SVOP: variants seen among roughly 807,000 people sequenced by gnomAD.
SVOP encodes the protein synaptic vesicle 2-related protein.
A neutral mutation model predicts 69.1 loss-of-function variants in SVOP; 17 were observed. The observed-to-expected ratio is 0.25, with a 90% CI of 0.17 to 0.37. The LOEUF is 0.37. Among genes scored for constraint, SVOP ranks in the 10% least tolerant of loss-of-function variants. The pLI is 1.00. For synonymous variants in SVOP, 238 were observed against 238.6 expected, an observed-to-expected ratio of 1.00 and a Z score of 0.02; for missense variants, 435 against 597.5, an observed-to-expected ratio of 0.73 and a Z score of 2.84.
At chr12:108,966,525 C>T (rs534600365) in intron 5 of SVOP, among the ~76,000 whole-genome samples, 5 of 152,032 alleles carry the variant, frequency 3.3e-5, no homozygotes, top group Non-Finnish European at 1.5e-5. Flanking sequence ...TCGGTGGTTG[C>T]CAAGGCTTGC....
chr12:108,991,437 TTTTGCTTG>T (rs1203907963), intron 1 of SVOP, among the ~76,000 whole-genome samples: 8 of 150,702 alleles, frequency 5.3e-5, no homozygotes, highest in South Asian at 2.1e-4. Context: ...CCATCTCGGG[TTTTGCTTG>T]TTTGTTTGTT....
chr12:109,011,910 T>A (rs115949893), intron 1 of SVOP, among the ~76,000 whole-genome samples: 1 of 152,054 alleles, frequency 6.6e-6, no homozygotes, highest in Non-Finnish European at 1.5e-5. Flanking sequence ...GTCAAACTCA[T>A]AGAAGCAGAG....
intron 4 of SVOP, among the ~76,000 whole-genome samples, chr12:108,973,227 T>G (rs570684877): frequency 6.6e-6 from 1 of 152,222 alleles, no homozygotes; most frequent in East Asian, 1.9e-4. Context: ...ATTCTCCCCA[T>G]TTCACAGATA....
chr12:108,996,027 T>A (rs1436411446), intron 1 of SVOP, among the ~76,000 whole-genome samples: 2 of 151,974 alleles, frequency 1.3e-5, no homozygotes, highest in Non-Finnish European at 2.9e-5. Context: ...CACACGCTGA[T>A]CTGTAAGGGT....
intron 11 of SVOP, among the ~76,000 whole-genome samples, chr12:108,931,439 C>T (rs965744954): frequency 6.6e-6 from 1 of 152,204 alleles, no homozygotes; most frequent in Non-Finnish European, 1.5e-5. Context: ...GTTCCCACCT[C>T]CAGCTGCACA....
At chr12:108,922,955 C>T (rs577594431) in intron 11 of SVOP, among the ~76,000 whole-genome samples, 158 bp from the exon 12 acceptor site, 15 of 152,314 alleles carry the variant, frequency 9.8e-5, no homozygotes, top group African/African-American at 2.2e-4. Context: ...AACACCAAGC[C>T]GCAGTGCTCC....
At chr12:108,915,350 A>G (rs994626066) in intron 15 of SVOP, among the ~76,000 whole-genome samples, 5 of 152,024 alleles carry the variant, frequency 3.3e-5, no homozygotes, top group African/African-American at 4.8e-5. Flanking sequence ...CTTCCTTCCC[A>G]GTCGAGTGGT....
At position 108,911,348 on chromosome 12, in the gene SVOP, ACAAAACCCAAAGCCC is replaced by A. The variant is rs2039680728; in HGVS notation, c.*1172_*1186del. ...TGCCCATTCAGCTGTCTACCCATGC[ACAAAACCCAAAGCCC>A]TGGATTTTGGATTTTGTACCTGCAA... On this transcript the variant is annotated 3_prime_UTR_variant, in exon 16 of 16. Transcript: ENST00000610966. 4.6e-5 allele frequency: 7 copies of A among 152,138 alleles called. No individual in the cohort carries two copies. The highest frequency in any genetic ancestry group is 7.2e-5 in the African/African-American group (3 of 41,404). The allele number at this position is 152,138 out of a possible 1,614,324, so 9.4% of individuals were successfully genotyped here. A position where few individuals can be genotyped will look rare whatever the true frequency, so the allele number is the denominator to read the frequency against.
At chr12:108,987,935 AT>A (rs946175339) in intron 1 of SVOP, among the ~76,000 whole-genome samples, 7 of 128,362 alleles carry the variant, frequency 5.5e-5, no homozygotes, top group African/African-American at 1.4e-4. Flanking sequence ...GAAAAAAAAA[AT>A]TTTAATACAG....
intron 3 of SVOP, among the ~76,000 whole-genome samples, chr12:108,977,701 T>C (rs1267139504): frequency 6.6e-6 from 1 of 152,220 alleles, no homozygotes; most frequent in Non-Finnish European, 1.5e-5. Context: ...ATAGACATTT[T>C]ATATTATTTT....
At chr12:109,013,886 GTC>G (rs1205138251) in intron 1 of SVOP, among the ~76,000 whole-genome samples, 1 of 151,864 alleles carries the variant, frequency 6.6e-6, no homozygotes, top group African/African-American at 2.4e-5. Context: ...TTTACTTTCT[GTC>G]TCTATGGATT....
At chr12:108,997,305 G>A (rs2040240354) in intron 1 of SVOP, among the ~76,000 whole-genome samples, 1 of 152,192 alleles carries the variant, frequency 6.6e-6, no homozygotes. Context: ...GGCTCGGAGG[G>A]TCCTACGCCC....
chr12:108,972,482 G>C lies in SVOP; in HGVS notation c.382-6C>G. The C allele has an allele frequency of 1.3e-6, 2 of 1,537,204 alleles. No individual in the cohort carries two copies. The highest frequency in any genetic ancestry group is 1.4e-5 in the African/African-American group (1 of 73,150). ...ATCATGCCTACAAAGACCACCTGTGGGGGGAAAGACAGTTGTCATTAGACA... is the reference window on the plus strand; with the variant it reads ...ATCATGCCTACAAAGACCACCTGTGCGGGGAAAGACAGTTGTCATTAGACA... On this transcript the variant is annotated splice_region_variant and splice_polypyrimidine_tract_variant and intron_variant, in intron 4 of 15. Coordinates refer to ENST00000610966, the MANE Select transcript of SVOP (RefSeq NM_018711.5).
At chr12:109,018,593 T>C (rs1274649499) in intron 1 of SVOP, among the ~76,000 whole-genome samples, 1 of 152,260 alleles carries the variant, frequency 6.6e-6, no homozygotes. Context: ...ACGAAGGGTG[T>C]GGTTTAAAAA....
intron 1 of SVOP, among the ~76,000 whole-genome samples, chr12:108,997,840 A>G (rs1319481517): frequency 6.6e-6 from 1 of 151,304 alleles, no homozygotes; most frequent in East Asian, 1.9e-4. Flanking sequence ...CCAAAAGTAG[A>G]TAAAACCACA....
intron 6 of SVOP, among the ~76,000 whole-genome samples, chr12:108,956,616 G>A (rs909846279): frequency 2.6e-5 from 4 of 152,136 alleles, no homozygotes; most frequent in Non-Finnish European, 4.4e-5. Flanking sequence ...CATCTTGACC[G>A]AATCGGCACC....
intron 1 of SVOP, among the ~76,000 whole-genome samples, chr12:109,007,898 C>T (rs1050621077): frequency 6.6e-6 from 1 of 151,976 alleles, no homozygotes. Context: ...ATTAGCTGAC[C>T]GTGGTGGTAC....
chr12:108,945,468 C>A (rs1181771466), intron 6 of SVOP, among the ~76,000 whole-genome samples: 1 of 152,034 alleles, frequency 6.6e-6, no homozygotes, highest in Non-Finnish European at 1.5e-5. Flanking sequence ...TAGCTCACTG[C>A]ACAACCTTGA....
chr12:108,954,228 C>A (rs1407594838), intron 6 of SVOP, among the ~76,000 whole-genome samples: 2 of 151,560 alleles, frequency 1.3e-5, no homozygotes, highest in Admixed American at 1.3e-4. Context: ...TGACCTTGGG[C>A]ATGCTACTTA....
Sources: allele counts gnomAD v4.1 joint callset (sites outside exome capture counted in the v4.1 genomes callset), GRCh38; gene constraint gnomAD v4.1.1; transcripts MANE v1.5; gene names NCBI Gene and HGNC (gene_info 2026-07-23, HGNC 2026-07-21).